CCDC3: variants seen among roughly 807,000 people sequenced by gnomAD.
CCDC3 encodes the protein coiled-coil domain-containing protein 3.
Under a neutral mutation model 21.4 loss-of-function variants are expected in CCDC3, and 24 were observed. The ratio of observed to expected loss-of-function variants is 1.12; its 90% CI spans 0.81 to 1.58. The LOEUF (loss-of-function observed/expected upper bound fraction) is 1.58, where lower values mean the gene tolerates loss of function less well. Ranked by LOEUF, CCDC3 falls within the 40% of genes most tolerant of loss-of-function variation. The pLI is 0.00. For missense variants in CCDC3, 425 were observed against 360.9 expected, an observed-to-expected ratio of 1.18 and a Z score of -1.44; for synonymous variants, 186 against 166.0, an observed-to-expected ratio of 1.12 and a Z score of -0.93.
At position 13,080,278 on chromosome 10, in the gene CCDC3, C is replaced by T. The variant is rs61686273; in HGVS notation, c.-502-6178G>A. Among the ~76,000 whole-genome samples, 1,465 of 152,064 alleles carry T rather than the reference C, an allele frequency of 9.6e-3. 28 individuals are homozygous for T. Among genetic ancestry groups the T allele is most frequent in the African/African-American group, 0.033 (1,360 of 41,444 alleles). On this transcript the variant is annotated intron_variant, in intron 3 of 6. Transcript: ENST00000378839. ...GTGACAGACTGGAAGAGACAATGATCAGAGAAAGACACAGAAGGTAAGACT... is the reference window on the plus strand; with the variant it reads ...GTGACAGACTGGAAGAGACAATGATTAGAGAAAGACACAGAAGGTAAGACT...
intron 5 of CCDC3, among the ~76,000 whole-genome samples, chr10:13,018,072 T>C (rs977543604): frequency 2.1e-5 from 3 of 146,108 alleles, no homozygotes; most frequent in African/African-American, 7.5e-5. Context: ...TCCTTTCCCA[T>C]CTATGTCCTT....
intron 2 of CCDC3, among the ~76,000 whole-genome samples, chr10:12,990,263 C>CAAAA (rs61700228): frequency 3.0e-5 from 3 of 99,796 alleles, no homozygotes; most frequent in African/African-American, 1.1e-4. Flanking sequence ...CCGTCTCAAC[C>CAAAA]AAAAAAAAAA....
intron 4 of CCDC3, among the ~76,000 whole-genome samples, chr10:13,050,980 C>T (rs1479309793): frequency 6.6e-6 from 1 of 151,816 alleles, no homozygotes; most frequent in East Asian, 1.9e-4. Context: ...TTGTAGAGAC[C>T]AGGTCTCACT....
At chr10:13,024,348 C>G (rs997215646) in intron 5 of CCDC3, among the ~76,000 whole-genome samples, 3 of 152,150 alleles carry the variant, frequency 2.0e-5, no homozygotes, top group Non-Finnish European at 4.4e-5. Flanking sequence ...AGTCCTCTCT[C>G]TGAAGAACTG....
chr10:12,924,827 G>A (rs900762494), intron 2 of CCDC3: 5 of 152,272 alleles, frequency 3.3e-5, no homozygotes, highest in African/African-American at 9.6e-5. Context: ...GTATATAAAT[G>A]CTTGTGAGAA....
chr10:12,964,201 C>T (rs1014375838), intron 2 of CCDC3, among the ~76,000 whole-genome samples: 11 of 151,944 alleles, frequency 7.2e-5, no homozygotes, highest in Non-Finnish European at 1.2e-4. Context: ...GGAGAAACCC[C>T]GGTTCTACTA....
At chr10:13,062,585 G>T (rs1279105317) in intron 4 of CCDC3, among the ~76,000 whole-genome samples, 3 of 152,156 alleles carry the variant, frequency 2.0e-5, no homozygotes. Flanking sequence ...GCAAGACTCT[G>T]TCTTGTTCTA....
intron 2 of CCDC3, among the ~76,000 whole-genome samples, chr10:12,969,015 G>C (rs534274351): frequency 6.6e-6 from 1 of 152,080 alleles, no homozygotes; most frequent in Non-Finnish European, 1.5e-5. Flanking sequence ...TAATTATCTT[G>C]AGTGTAAACA....
intron 5 of CCDC3, among the ~76,000 whole-genome samples, chr10:13,016,395 G>T (rs1836060731): frequency 1.3e-5 from 2 of 150,738 alleles, no homozygotes; most frequent in Admixed American, 6.6e-5. Context: ...CAGGGAATGG[G>T]CCCAGGAAAC....
chr10:12,924,751 C>A lies in CCDC3; in HGVS notation c.550-26072G>T, dbSNP rs75948415. The A allele has an allele frequency of 5.3e-5, 8 of 152,252 alleles. No individual in the cohort carries two copies. In the East Asian group the frequency reaches 1.5e-3, roughly 29 times the overall value. 9.4% of individuals were successfully genotyped at this position (152,252 alleles called of 1,614,324 possible). A position where few individuals can be genotyped will look rare whatever the true frequency, so the allele number is the denominator to read the frequency against. On this transcript the variant is annotated intron_variant, in intron 2 of 2. Transcript: ENST00000378825. ...ACCCTGCTTAGCTTCCAAGATCTGA[C>A]GAGATCAGGTGCATTCAGGGTGCTA...
At chr10:12,904,702 G>A (rs1405998585) in intron 2 of CCDC3, among the ~76,000 whole-genome samples, 1 of 151,952 alleles carries the variant, frequency 6.6e-6, no homozygotes, top group African/African-American at 2.4e-5. Flanking sequence ...TAAGTTTCCT[G>A]GTTTCTCCGG....
In CCDC3 at chr10:13,063,194, C is replaced by T. The variant is rs573705335; in HGVS notation, c.-270+10674G>A. On this transcript the variant is annotated intron_variant, in intron 4 of 6. Coordinates refer to the CCDC3 transcript ENST00000378839. ...ACAAAACCCTGGTCTCCCACACAGC[C>T]GGCTCTGTGTGAATTACTCTTTCTC... Among the ~76,000 whole-genome samples the T allele has an allele frequency of 9.6e-5, 12 of 125,120 alleles. 1 individual carries two copies. Among genetic ancestry groups the T allele is most frequent in the Admixed American group, 5.1e-4 (6 of 11,814 alleles). The allele number at this position is 125,120 out of a possible 152,430, so 82.1% of individuals were successfully genotyped here. A position where few individuals can be genotyped will look rare whatever the true frequency, so the allele number is the denominator to read the frequency against.
intron 2 of CCDC3, among the ~76,000 whole-genome samples, chr10:12,994,309 T>A (rs57950675): frequency 0.065 from 9,783 of 151,078 alleles, 1,061 homozygotes; most frequent in African/African-American, 0.23. Flanking sequence ...GAGGTAGAAG[T>A]ATCACTTGAA....
intron 3 of CCDC3, among the ~76,000 whole-genome samples, chr10:13,094,104 C>T (rs140734839): frequency 3.3e-5 from 5 of 152,254 alleles, no homozygotes; most frequent in East Asian, 3.9e-4. Context: ...GTACAAAAGG[C>T]GGCAGGGATT....
At position 12,898,241 on chromosome 10, in the gene CCDC3, G is replaced by A. The variant is rs558287396; in HGVS notation, c.*175C>T. The stretch of plus-strand genomic sequence containing the variant: ...GGGGCAGCGCGTGGGGTCTGACATT[G>A]AGGCCAGCACCCAAGGGGAAAGCAA... On this transcript the variant is annotated 3_prime_UTR_variant, in exon 3 of 3. Coordinates refer to ENST00000378825, the MANE Select transcript of CCDC3 (RefSeq NM_031455.4). 13 of 768,194 alleles carry A rather than the reference G, an allele frequency of 1.7e-5. No individual in the cohort carries two copies. The highest frequency in any genetic ancestry group is 2.4e-5 in the Non-Finnish European group (12 of 491,578). 47.6% of individuals were successfully genotyped at this position (768,194 alleles called of 1,614,324 possible). A position where few individuals can be genotyped will look rare whatever the true frequency, so the allele number is the denominator to read the frequency against.
At chr10:13,086,990 CT>C (rs1837119647) in intron 3 of CCDC3, among the ~76,000 whole-genome samples, 1 of 152,224 alleles carries the variant, frequency 6.6e-6, no homozygotes, top group South Asian at 2.1e-4. Flanking sequence ...GCAGCCTCAG[CT>C]TTTCAAACCT....
At chr10:13,024,886 G>C (rs1836195605) in intron 5 of CCDC3, among the ~76,000 whole-genome samples, 1 of 152,098 alleles carries the variant, frequency 6.6e-6, no homozygotes, top group Admixed American at 6.6e-5. Flanking sequence ...GCTTCCCATA[G>C]GAATCTCCTC....
chr10:12,898,770 A>G, intron 2 of CCDC3, 91 bp from the exon 3 acceptor site: 1 of 1,449,634 alleles, frequency 6.9e-7, no homozygotes, highest in Non-Finnish European at 9.3e-7. Flanking sequence ...CCGAGTGCTG[A>G]CAGCAACACA....
intron 5 of CCDC3, among the ~76,000 whole-genome samples, chr10:13,029,271 C>T (rs1836266884): frequency 6.6e-6 from 1 of 152,148 alleles, no homozygotes; most frequent in African/African-American, 2.4e-5. Flanking sequence ...AGCTGACGGT[C>T]CTGACTGTTA....
Sources: gnomAD v4.1 joint callset for allele counts (sites outside exome capture counted in the v4.1 genomes callset) on GRCh38, gnomAD v4.1.1 for gene constraint, MANE v1.5 for transcripts, NCBI Gene and HGNC (gene_info 2026-07-23, HGNC 2026-07-21) for gene names.